Variants in PXDN observed in about 807,000 individuals in gnomAD.
PXDN encodes peroxidasin homolog.
Under a neutral mutation model 140.3 loss-of-function variants are expected in PXDN, and 77 were observed. That is an observed-to-expected ratio of 0.55 (90% CI 0.46 to 0.66). The LOEUF is 0.66. Among genes scored for constraint, PXDN ranks in the 30% least tolerant of loss-of-function variants. The pLI is 0.00. For synonymous variants in PXDN, 911 were observed against 857.4 expected, an observed-to-expected ratio of 1.06 and a Z score of -1.09; for missense variants, 1,838 against 2,039.5, an observed-to-expected ratio of 0.90 and a Z score of 1.90.
In PXDN at chr2:1,660,827, G is replaced by A; in HGVS notation, c.1837+54C>T. 2 of 1,568,028 alleles carry A rather than the reference G, an allele frequency of 1.3e-6. No individual in the cohort carries two copies. The highest frequency in any genetic ancestry group is 1.7e-6 in the Non-Finnish European group (2 of 1,154,168). On this transcript the variant is annotated intron_variant, in intron 14 of 22. Coordinates refer to ENST00000252804, the MANE Select transcript of PXDN (RefSeq NM_012293.3). The surrounding 1 kb of genome is among the most constrained non-coding windows in gnomAD (Gnocchi z 4.6). ...TGGCCTGGGACCACACTAGGGACCT[G>A]CGGGCTTTCTTTGTGGATACCATGT...
chr2:1,664,948 T>C lies in PXDN; in HGVS notation c.1408+10A>G. ...GGAGGGAGCAGGCAAAGGGCCGGCCTGGGTCTTACCTCCCTTGGTCCAGGC... is the reference window on the plus strand; with the variant it reads ...GGAGGGAGCAGGCAAAGGGCCGGCCCGGGTCTTACCTCCCTTGGTCCAGGC... On this transcript the variant is annotated intron_variant, in intron 11 of 22. Transcript: ENST00000252804. 1 of 1,584,066 alleles carries C rather than the reference T, an allele frequency of 6.3e-7. No individual in the cohort carries two copies. Among genetic ancestry groups the C allele is most frequent in the Non-Finnish European group, 8.6e-7 (1 of 1,156,348 alleles).
chr2:1,729,283 C>G (rs1283680916), intron 1 of PXDN, among the ~76,000 whole-genome samples: 1 of 152,204 alleles, frequency 6.6e-6, no homozygotes, highest in Non-Finnish European at 1.5e-5. Flanking sequence ...TGAGCACTTA[C>G]ACAGGCTGTA....
chr2:1,710,994 CCACTCCACCAGCACCCA>C (rs1366278031), intron 1 of PXDN, among the ~76,000 whole-genome samples: 2 of 79,844 alleles, frequency 2.5e-5, no homozygotes, highest in Non-Finnish European at 5.1e-5. Flanking sequence ...CCACCAGCAC[CCACTCCACCAGCACCCA>C]CTCTCCACCA....
chr2:1,702,280 C>G (rs1684453842), intron 1 of PXDN, among the ~76,000 whole-genome samples: 1 of 152,188 alleles, frequency 6.6e-6, no homozygotes, highest in Admixed American at 6.5e-5. Flanking sequence ...TGCCCATCCT[C>G]TCCCCCTGCC....
In PXDN at chr2:1,656,451, C is replaced by G. The variant is rs185391706; in HGVS notation, c.1838-1943G>C. On this transcript the variant is annotated intron_variant, in intron 14 of 22. Transcript: ENST00000252804. ...AGCCCAACACACCCTTACAAAAAAG[C>G]TTCTTTCACTTGGCTGCTGGGACAC... Among the ~76,000 whole-genome samples, 430 of 152,324 alleles carry G rather than the reference C, an allele frequency of 2.8e-3. 2 individuals carry two copies. The highest frequency in any genetic ancestry group is 9.9e-3 in the African/African-American group (410 of 41,564).
chr2:1,634,200 G>A lies in PXDN; in HGVS notation c.*4C>T. 1.3e-6 allele frequency: 2 copies of A among 1,569,906 alleles called. No individual in the cohort carries two copies. The highest frequency in any genetic ancestry group is 8.6e-7 in the Non-Finnish European group (1 of 1,156,858). On this transcript the variant is annotated 3_prime_UTR_variant, in exon 23 of 23. Transcript: ENST00000252804. The stretch of plus-strand genomic sequence containing the variant: ...AGACAAACTCTGAGGAGCCTCCCAG[G>A]AGCCTAGGGCTTTTCCTCCGCCCTC...
At chr2:1,731,672 G>A (rs1436909190) in intron 1 of PXDN, among the ~76,000 whole-genome samples, 16 of 152,136 alleles carry the variant, frequency 1.1e-4, no homozygotes, top group Non-Finnish European at 1.5e-5. Context: ...GAGACAGATC[G>A]GCCTGACACA....
intron 1 of PXDN, among the ~76,000 whole-genome samples, chr2:1,738,552 C>CT (rs11450893): frequency 0.66 from 97,901 of 147,764 alleles, 32,693 homozygotes; most frequent in East Asian, 0.92. Flanking sequence ...GATCTTCAAA[C>CT]TTTTTTTTTT....
At chr2:1,709,108 C>T (rs1331569649) in intron 1 of PXDN, among the ~76,000 whole-genome samples, 1 of 152,168 alleles carries the variant, frequency 6.6e-6, no homozygotes, top group African/African-American at 2.4e-5. Context: ...TGATCCCACC[C>T]GTGGAACTGC....
At chr2:1,725,808 C>A (rs1685165721) in intron 1 of PXDN, among the ~76,000 whole-genome samples, 1 of 152,120 alleles carries the variant, frequency 6.6e-6, no homozygotes, top group Admixed American at 6.5e-5. Flanking sequence ...ATTTATGTAG[C>A]CAAAAAACAC....
At position 1,684,082 on chromosome 2, in the gene PXDN, C is replaced by T; in HGVS notation, c.486G>A (p.Arg162=). ...GCAAGGAACAACACACAACTCACAG[C>T]CTCTCGAGCTTCGGGAGATGCTGGA... is the stretch of plus-strand genomic sequence containing the variant. ...DSFQHLPKLE[R]LFLHNNRITH... Residue 162 remains arginine, a splice_region_variant and synonymous_variant, in exon 5 of 23, where the codon AGG becomes AGA. Coordinates refer to ENST00000252804, the MANE Select transcript of PXDN (RefSeq NM_012293.3). 1 of 1,577,298 alleles carries T rather than the reference C, an allele frequency of 6.3e-7. No homozygotes were observed. Among genetic ancestry groups the T allele is most frequent in the Non-Finnish European group, 8.6e-7 (1 of 1,160,634 alleles).
chr2:1,658,983 A>G (rs1444603804), intron 14 of PXDN, among the ~76,000 whole-genome samples: 1 of 151,796 alleles, frequency 6.6e-6, no homozygotes, highest in Non-Finnish European at 1.5e-5. Context: ...CTTCTTACTC[A>G]TCTCTCCACC....
At chr2:1,735,448 C>A (rs961496584) in intron 1 of PXDN, among the ~76,000 whole-genome samples, 1 of 152,154 alleles carries the variant, frequency 6.6e-6, no homozygotes, top group African/African-American at 2.4e-5. Context: ...TCATGGGCTG[C>A]AGAATAGATG....
At chr2:1,697,114 G>A (rs1204780719) in intron 1 of PXDN, among the ~76,000 whole-genome samples, 1 of 152,192 alleles carries the variant, frequency 6.6e-6, no homozygotes, top group Non-Finnish European at 1.5e-5. Context: ...GAAACTCTGG[G>A]AGTGGTTCCC....
chr2:1,653,617 T>C lies in PXDN; in HGVS notation c.2104+11A>G, dbSNP rs759873056. 1.6e-5 allele frequency: 25 copies of C among 1,611,920 alleles called. No homozygotes were observed. Among genetic ancestry groups the C allele is most frequent in the Non-Finnish European group, 2.1e-5 (25 of 1,179,250 alleles). ...GGCCATGGAGGAGGAAGAAAAGGCT[T>C]TGGCACTGACTTGTTCCGTTGAGGT... On this transcript the variant is annotated intron_variant, in intron 16 of 22. Coordinates refer to ENST00000252804, the MANE Select transcript of PXDN (RefSeq NM_012293.3).
At chr2:1,657,104 G>C (rs1365075134) in intron 14 of PXDN, among the ~76,000 whole-genome samples, 1 of 150,484 alleles carries the variant, frequency 6.6e-6, no homozygotes, top group Non-Finnish European at 1.5e-5. Flanking sequence ...CCTCCTGACA[G>C]GGACCCGAAC....
chr2:1,675,306 TG>T (rs1246026488), intron 8 of PXDN, among the ~76,000 whole-genome samples: 2 of 152,200 alleles, frequency 1.3e-5, no homozygotes, highest in African/African-American at 2.4e-5. Flanking sequence ...CTCAGGGCTT[TG>T]GCTCTAGCTC....
intron 21 of PXDN, among the ~76,000 whole-genome samples, chr2:1,637,707 A>C (rs1682602798): frequency 8.8e-6 from 1 of 113,200 alleles, no homozygotes; most frequent in African/African-American, 3.5e-5. Context: ...GTCCACTCTG[A>C]CAGCTGCCTG....
In PXDN at chr2:1,649,592, T is replaced by C. The variant is rs1037629794; in HGVS notation, c.2188A>G (p.Asn730Asp). Residue 730 changes from asparagine to aspartate, a missense_variant, in exon 17 of 23, where the codon AAC becomes GAC. Transcript: ENST00000252804. The surrounding 1 kb of genome is among the most constrained non-coding windows in gnomAD (Gnocchi z 7.1). ...LSGCTAHRRV[N>D]NCSDMCFHQK... ...TGGAAGCACATGTCCGAGCAGTTGT[T>C]CACGCGCCGGTGGGCGGTACAGCCC... The C allele has an allele frequency of 1.9e-6, 3 of 1,614,030 alleles. No homozygotes were observed. The highest frequency in any genetic ancestry group is 2.5e-6 in the Non-Finnish European group (3 of 1,179,894).
Sources: gnomAD v4.1 joint callset for allele counts (sites outside exome capture counted in the v4.1 genomes callset) on GRCh38, gnomAD v4.1.1 for gene constraint, Gnocchi (gnomAD v3.1) non-coding constraint, MANE v1.5 for transcripts, NCBI Gene and HGNC (gene_info 2026-07-23, HGNC 2026-07-21) for gene names.